FMN1: variants seen among roughly 807,000 people sequenced by gnomAD.
FMN1 encodes formin 1.
A neutral mutation model predicts 132.4 loss-of-function variants in FMN1; 110 were observed. That is an observed-to-expected ratio of 0.83 (90% CI 0.71 to 0.97). The LOEUF (loss-of-function observed/expected upper bound fraction) is 0.97, where lower values mean the gene tolerates loss of function less well. FMN1 is among the 50% of genes least tolerant of loss of function. The pLI, the probability that FMN1 is intolerant of heterozygous loss-of-function variation, is 0.00. For missense variants in FMN1, 1,792 were observed against 1,705.3 expected, an observed-to-expected ratio of 1.05 and a Z score of -0.90; for synonymous variants, 722 against 651.7, an observed-to-expected ratio of 1.11 and a Z score of -1.64.
intron 4 of FMN1, among the ~76,000 whole-genome samples, chr15:33,095,625 G>A (rs541443841): frequency 2.6e-4 from 39 of 151,966 alleles, no homozygotes; most frequent in Non-Finnish European, 1.3e-4. Context: ...CTACCACCTT[G>A]GCCTCTCAAA....
chr15:32,815,310 A>G (rs377760654), intron 17 of FMN1, among the ~76,000 whole-genome samples: 1 of 152,204 alleles, frequency 6.6e-6, no homozygotes, highest in South Asian at 2.1e-4. Flanking sequence ...TTTTAACCTC[A>G]TAGCATTTTA....
At chr15:32,956,640 C>T (rs1288941864) in intron 9 of FMN1, among the ~76,000 whole-genome samples, 1 of 152,110 alleles carries the variant, frequency 6.6e-6, no homozygotes, top group African/African-American at 2.4e-5. Flanking sequence ...TTATTTCACT[C>T]ACTTCTATAG....
intron 17 of FMN1, among the ~76,000 whole-genome samples, chr15:32,823,464 G>A (rs28575860): frequency 0.18 from 27,600 of 151,930 alleles, 2,850 homozygotes; most frequent in East Asian, 0.47. Context: ...GCGCCCGGCC[G>A]AGAGTTTCTA....
chr15:33,072,935 A>C (rs1048944439), intron 5 of FMN1, among the ~76,000 whole-genome samples: 1 of 151,930 alleles, frequency 6.6e-6, no homozygotes, highest in Non-Finnish European at 1.5e-5. Context: ...AAAAAAAAAA[A>C]AACAAAAACA....
intron 19 of FMN1, among the ~76,000 whole-genome samples, chr15:32,790,815 C>T (rs949830826): frequency 2.6e-5 from 4 of 152,132 alleles, no homozygotes; most frequent in Non-Finnish European, 4.4e-5. Context: ...ATGCACCATA[C>T]AAGACACAGC....
At chr15:33,036,707 T>TA (rs1167671161) in intron 6 of FMN1, among the ~76,000 whole-genome samples, 1 of 152,242 alleles carries the variant, frequency 6.6e-6, no homozygotes, top group Admixed American at 6.5e-5. Flanking sequence ...CACAGGGTTA[T>TA]AATAAGTATT....
intron 16 of FMN1, among the ~76,000 whole-genome samples, chr15:32,873,649 G>A (rs537381341): frequency 1.3e-5 from 2 of 152,224 alleles, no homozygotes; most frequent in East Asian, 1.9e-4. Flanking sequence ...AGAGGAGAGG[G>A]GGAGTTCTGG....
chr15:33,151,379 G>C (rs537796598), intron 4 of FMN1: 7 of 1,536,528 alleles, frequency 4.6e-6, no homozygotes, highest in Non-Finnish European at 6.1e-6. Flanking sequence ...CCAATGGAAG[G>C]CTGAGGCCAA....
chr15:33,012,213 G>A (rs2034768506), intron 6 of FMN1: 2 of 647,170 alleles, frequency 3.1e-6, no homozygotes, highest in Non-Finnish European at 5.7e-6. Context: ...AGTGCCTGAG[G>A]AATCATTTTG....
At chr15:32,962,170 A>G (rs1210945824) in intron 9 of FMN1, among the ~76,000 whole-genome samples, 1 of 152,066 alleles carries the variant, frequency 6.6e-6, no homozygotes, top group Non-Finnish European at 1.5e-5. Flanking sequence ...ACCAATGCTT[A>G]AGACAGTGCT....
Position 33,087,838 on chromosome 15 carries a change from C to T in FMN1, c.2043+961G>A, listed in dbSNP as rs566748280. On this transcript the variant is annotated intron_variant, in intron 5 of 20. Transcript: ENST00000616417. ...ACATATATATACATATATACATATA[C>T]ATACACACACATATATACATATACC... Among the ~76,000 whole-genome samples the T allele has an allele frequency of 2.5e-4, 38 of 151,602 alleles. 1 individual carries two copies. In the Middle Eastern group the frequency reaches 0.01, roughly 41 times the overall value.
intron 19 of FMN1, 34 bp downstream of exon 19, chr15:32,798,770 G>C: frequency 6.3e-7 from 1 of 1,578,590 alleles, no homozygotes; most frequent in Non-Finnish European, 8.6e-7. Flanking sequence ...CTAGGCTCCT[G>C]AAGGAGGCAT....
intron 4 of FMN1, among the ~76,000 whole-genome samples, chr15:33,141,361 G>A (rs995929878): frequency 1.7e-4 from 26 of 151,986 alleles, no homozygotes; most frequent in African/African-American, 6.3e-4. Flanking sequence ...TTCCCCATAG[G>A]GATAACTAAT....
intron 4 of FMN1, among the ~76,000 whole-genome samples, chr15:33,130,661 G>A (rs1963503356): frequency 6.6e-6 from 1 of 152,152 alleles, no homozygotes. Context: ...TTTAGGGTTT[G>A]GAGCAGTTTT....
At chr15:33,128,772 G>A (rs931939582) in intron 4 of FMN1, among the ~76,000 whole-genome samples, 2 of 152,222 alleles carry the variant, frequency 1.3e-5, no homozygotes, top group East Asian at 1.9e-4. Flanking sequence ...AAAGTGGTAT[G>A]GACCCAAACG....
Position 33,069,999 on chromosome 15 carries a change from T to C in FMN1, c.2044-4925A>G, listed in dbSNP as rs1444823120. Among the ~76,000 whole-genome samples the C allele has an allele frequency of 2.7e-4, 34 of 126,736 alleles. 1 individual carries two copies. Among genetic ancestry groups the C allele is most frequent in the South Asian group, 8.4e-4 (3 of 3,566 alleles). The allele number at this position is 126,736 out of a possible 152,430, so 83.1% of individuals were successfully genotyped here. On this transcript the variant is annotated intron_variant, in intron 5 of 20. Coordinates refer to ENST00000616417, the MANE Select transcript of FMN1 (RefSeq NM_001277313.2). ...TCATAAGATCAGTCTTTCTCTTTTT[T>C]TTTTTTTTTTTTTTTTTTTTTTTGA...
At chr15:32,887,034 A>C (rs1433808187) in intron 16 of FMN1, among the ~76,000 whole-genome samples, 2 of 152,176 alleles carry the variant, frequency 1.3e-5, no homozygotes, top group Admixed American at 6.5e-5. Flanking sequence ...ATAATATACA[A>C]GATAAAAATA....
At chr15:32,798,378 T>A (rs1169436255) in intron 19 of FMN1, among the ~76,000 whole-genome samples, 1 of 151,218 alleles carries the variant, frequency 6.6e-6, no homozygotes, top group East Asian at 1.9e-4. Context: ...CTGTGTGAAG[T>A]GTGGCCTGAG....
intron 6 of FMN1, among the ~76,000 whole-genome samples, chr15:33,014,027 A>G (rs1220578810): frequency 1.3e-5 from 2 of 152,164 alleles, no homozygotes; most frequent in Non-Finnish European, 2.9e-5. Context: ...CTCCTCCTTT[A>G]ACAAATATTT....
Sources: gnomAD v4.1 joint callset for allele counts (sites outside exome capture counted in the v4.1 genomes callset) on GRCh38, gnomAD v4.1.1 for gene constraint, MANE v1.5 for transcripts, NCBI Gene and HGNC (gene_info 2026-07-23, HGNC 2026-07-21) for gene names.